The following PEX5L variants were observed in gnomAD, a reference collection of about 807,000 sequenced individuals.
PEX5L encodes the protein peroxisomal biogenesis factor 5 like.
A neutral mutation model predicts 84.0 loss-of-function variants in PEX5L; 30 were observed. The observed-to-expected ratio is 0.36, with a 90% CI of 0.27 to 0.48. The LOEUF is 0.48. PEX5L is among the 20% of genes least tolerant of loss of function. PEX5L has a pLI of 0.99. For missense variants in PEX5L, 533 were observed against 754.6 expected, an observed-to-expected ratio of 0.71 and a Z score of 3.44; for synonymous variants, 270 against 283.1, an observed-to-expected ratio of 0.95 and a Z score of 0.46.
At position 180,034,068 on chromosome 3, in the gene PEX5L, T is replaced by C. The variant is rs73059375; in HGVS notation, c.21+2511A>G. ...AGACTTTATCTGCAAAATCATTAAG[T>C]TGCAAAAACAAAGGCACCACAGGAG... On this transcript the variant is annotated intron_variant, in intron 1 of 14. Coordinates refer to ENST00000467460, the MANE Select transcript of PEX5L (RefSeq NM_016559.3). Among the ~76,000 whole-genome samples, 1,300 of 152,324 alleles carry C rather than the reference T, an allele frequency of 8.5e-3. 15 individuals carry two copies. The highest frequency in any genetic ancestry group is 0.03 in the African/African-American group (1,240 of 41,582).
chr3:180,034,001 T>C (rs1791679170), intron 1 of PEX5L, among the ~76,000 whole-genome samples: 1 of 152,232 alleles, frequency 6.6e-6, no homozygotes, highest in Non-Finnish European at 1.5e-5. Flanking sequence ...ATTCAGATTC[T>C]ACCATAAACC....
chr3:179,857,702 G>T, intron 8 of PEX5L, among the ~76,000 whole-genome samples: 1 of 152,050 alleles, frequency 6.6e-6, no homozygotes, highest in East Asian at 1.9e-4. Flanking sequence ...AGATTCCATG[G>T]GTTTAAAATA....
intron 2 of PEX5L, among the ~76,000 whole-genome samples, chr3:179,938,386 T>C (rs746014705): frequency 6.6e-6 from 1 of 152,218 alleles, no homozygotes; most frequent in Non-Finnish European, 1.5e-5. Flanking sequence ...TTCAAAATTG[T>C]GCATCTGCAC....
At chr3:179,970,201 T>G (rs1223666929) in intron 2 of PEX5L, among the ~76,000 whole-genome samples, 2 of 152,174 alleles carry the variant, frequency 1.3e-5, no homozygotes, top group African/African-American at 4.8e-5. Flanking sequence ...TAATTTTTCA[T>G]TTTATTAGAG....
chr3:179,877,438 T>C (rs949560875), intron 5 of PEX5L, among the ~76,000 whole-genome samples: 5 of 152,200 alleles, frequency 3.3e-5, no homozygotes, highest in African/African-American at 1.2e-4. Flanking sequence ...TGCATGCTTA[T>C]TGTGTTATAT....
chr3:179,937,136 C>T (rs1428792136), intron 2 of PEX5L, among the ~76,000 whole-genome samples: 1 of 152,082 alleles, frequency 6.6e-6, no homozygotes, highest in East Asian at 1.9e-4. Flanking sequence ...TTAGAGCCTA[C>T]CCTTAAGGAG....
chr3:179,977,915 C>T (rs1004478487), intron 1 of PEX5L, among the ~76,000 whole-genome samples: 2 of 152,114 alleles, frequency 1.3e-5, no homozygotes, highest in South Asian at 4.1e-4. Context: ...AAGAGAGTGG[C>T]CACACAGTAC....
At chr3:179,937,252 T>A (rs1402453597) in intron 2 of PEX5L, among the ~76,000 whole-genome samples, 2 of 152,134 alleles carry the variant, frequency 1.3e-5, no homozygotes, top group Non-Finnish European at 2.9e-5. Flanking sequence ...AAGTGTGGAG[T>A]CTACTTAATA....
At chr3:180,009,576 C>CT (rs71629907) in intron 1 of PEX5L, among the ~76,000 whole-genome samples, 21,279 of 148,546 alleles carry the variant, frequency 0.14, 1,616 homozygotes, top group African/African-American at 0.19. Context: ...TTTTTCTTTT[C>CT]TTTTTTTTTT....
chr3:179,996,806 G>C (rs1449035792), intron 1 of PEX5L, among the ~76,000 whole-genome samples: 1 of 152,182 alleles, frequency 6.6e-6, no homozygotes, highest in African/African-American at 2.4e-5. Flanking sequence ...AGGCAAGGTG[G>C]GCGTAGCTAC....
chr3:179,996,010 C>T (rs1250568697), intron 1 of PEX5L, among the ~76,000 whole-genome samples: 1 of 152,212 alleles, frequency 6.6e-6, no homozygotes. Flanking sequence ...CCTTTCCAAC[C>T]CACACTGCCA....
intron 1 of PEX5L, among the ~76,000 whole-genome samples, chr3:180,030,216 G>A (rs1159286284): frequency 2.6e-5 from 4 of 152,126 alleles, no homozygotes; most frequent in Non-Finnish European, 4.4e-5. Flanking sequence ...TCTTTCCCAT[G>A]GTGCTTCTCA....
intron 1 of PEX5L, among the ~76,000 whole-genome samples, chr3:180,009,545 G>A (rs1316204635): frequency 6.6e-6 from 1 of 151,776 alleles, no homozygotes; most frequent in Non-Finnish European, 1.5e-5. Flanking sequence ...TAGGAACTCA[G>A]CATGAGTTAC....
chr3:179,822,497 A>G (rs947589708), intron 8 of PEX5L, among the ~76,000 whole-genome samples: 1 of 152,260 alleles, frequency 6.6e-6, no homozygotes, highest in Non-Finnish European at 1.5e-5. Context: ...TAAAGTGCAG[A>G]GCACAGTTTT....
rs573597354 is a variant in PEX5L at position 179,828,796 on chromosome 3, C to T, written c.823-8820G>A. 5.9e-5 allele frequency among the ~76,000 whole-genome samples: 9 copies of T among 152,152 alleles called. No individual in the cohort carries two copies. In the South Asian group the frequency reaches 1.7e-3, roughly 28 times the overall value. On this transcript the variant is annotated intron_variant, in intron 8 of 14. Coordinates refer to ENST00000467460, the MANE Select transcript of PEX5L (RefSeq NM_016559.3). ...GGCTAATTTTTGTGTATCCTGCGAC[C>T]AGCTTTCAGGAATAAGAGTCTATGA...
At chr3:179,953,345 T>C (rs1185854042) in intron 2 of PEX5L, among the ~76,000 whole-genome samples, 1 of 152,166 alleles carries the variant, frequency 6.6e-6, no homozygotes, top group Non-Finnish European at 1.5e-5. Context: ...ATTTTTGCAA[T>C]CTATCCATCT....
chr3:179,858,293 GC>G (rs1744772586), intron 8 of PEX5L, among the ~76,000 whole-genome samples: 1 of 151,978 alleles, frequency 6.6e-6, no homozygotes. Context: ...ATCTAGCAAA[GC>G]TTTGATGAGT....
intron 1 of PEX5L, among the ~76,000 whole-genome samples, chr3:180,002,001 T>C (rs942600407): frequency 6.6e-6 from 1 of 152,198 alleles, no homozygotes; most frequent in Non-Finnish European, 1.5e-5. Context: ...ACTTACTTCT[T>C]TGTACTTGTT....
chr3:180,019,243 T>A (rs1216119421), intron 1 of PEX5L, among the ~76,000 whole-genome samples: 1 of 152,148 alleles, frequency 6.6e-6, no homozygotes, highest in Non-Finnish European at 1.5e-5. Context: ...GTCTCTGGGA[T>A]TTTATGTTTC....
Sources: allele counts gnomAD v4.1 joint callset (sites outside exome capture counted in the v4.1 genomes callset), GRCh38; gene constraint gnomAD v4.1.1; transcripts MANE v1.5; gene names NCBI Gene and HGNC (gene_info 2026-07-23, HGNC 2026-07-21).